The following TNFSF4 variants were observed in gnomAD, a reference collection of about 807,000 sequenced individuals.
TNFSF4 encodes the protein TNF superfamily member 4.
A neutral mutation model predicts 7.3 loss-of-function variants in TNFSF4; 4 were observed. That is an observed-to-expected ratio of 0.55 (90% CI 0.27 to 1.25). The LOEUF (loss-of-function observed/expected upper bound fraction) is 1.25, where lower values mean the gene tolerates loss of function less well. Ranked by LOEUF, TNFSF4 falls within the 50% of genes most tolerant of loss-of-function variation. The probability of loss-of-function intolerance (pLI) is 0.12; values close to 1 mark genes in which losing one functional copy is unlikely to be tolerated. For synonymous variants in TNFSF4, 76 were observed against 83.7 expected (o/e 0.91, Z 0.50); for missense variants, 181 against 208.8 (o/e 0.87, Z 0.82).
chr1:173,354,741 A>T, the TNFSF4 span, among the ~76,000 whole-genome samples: 1 of 152,316 alleles, frequency 6.6e-6, no homozygotes, highest in South Asian at 2.1e-4. Context: ...AAAATAAAAA[A>T]CTTTGGAAAA....
chr1:173,291,401 C>T, the TNFSF4 span, among the ~76,000 whole-genome samples: 1 of 151,976 alleles, frequency 6.6e-6, no homozygotes, highest in Non-Finnish European at 1.5e-5. Context: ...TGGGCAGGGC[C>T]ACATATCTAA....
the TNFSF4 span, among the ~76,000 whole-genome samples, chr1:173,419,832 T>G: frequency 1.3e-5 from 2 of 152,144 alleles, no homozygotes; most frequent in Non-Finnish European, 2.9e-5. Flanking sequence ...AGATTAACTA[T>G]AGCTCCTAGA....
At chr1:173,307,704 T>C in the TNFSF4 span, among the ~76,000 whole-genome samples, 2 of 151,844 alleles carry the variant, frequency 1.3e-5, no homozygotes, top group Non-Finnish European at 2.9e-5. Flanking sequence ...TATACTAATA[T>C]AAAACCCTCA....
At chr1:173,348,032 A>G in the TNFSF4 span, among the ~76,000 whole-genome samples, 373 of 152,336 alleles carry the variant, frequency 2.4e-3, no homozygotes, top group Middle Eastern at 6.8e-3. Context: ...TGATTTTCCA[A>G]TTCATGGAAT....
chr1:173,291,086 A>G, the TNFSF4 span, among the ~76,000 whole-genome samples: 7 of 152,194 alleles, frequency 4.6e-5, no homozygotes, highest in Non-Finnish European at 8.8e-5. Context: ...TATTTGTCTA[A>G]TGGTTCTGCA....
chr1:173,327,170 T>C, the TNFSF4 span, among the ~76,000 whole-genome samples: 2 of 152,170 alleles, frequency 1.3e-5, no homozygotes, highest in East Asian at 1.9e-4. Flanking sequence ...AAAACAGAGA[T>C]ATAGACCAAT....
chr1:173,403,905 A>C, the TNFSF4 span, among the ~76,000 whole-genome samples: 1 of 151,794 alleles, frequency 6.6e-6, no homozygotes, highest in African/African-American at 2.4e-5. Flanking sequence ...GTGTCTCAAA[A>C]AAAAAAAAAA....
chr1:173,229,683 G>C, the TNFSF4 span, among the ~76,000 whole-genome samples: 1 of 152,096 alleles, frequency 6.6e-6, no homozygotes, highest in Admixed American at 6.5e-5. Flanking sequence ...GTATTCAGGA[G>C]ACCCATCTCA....
At chr1:173,442,418 C>G in the TNFSF4 span, among the ~76,000 whole-genome samples, 2 of 152,118 alleles carry the variant, frequency 1.3e-5, no homozygotes, top group Non-Finnish European at 2.9e-5. Flanking sequence ...CTCCCACATA[C>G]CTAAGAATTT....
the TNFSF4 span, among the ~76,000 whole-genome samples, chr1:173,246,654 G>A: frequency 6.6e-6 from 1 of 152,124 alleles, no homozygotes; most frequent in Admixed American, 6.5e-5. Context: ...GCTGATGAGT[G>A]AAATATTTTT....
chr1:173,351,963 G>C, the TNFSF4 span: 1 of 521,390 alleles, frequency 1.9e-6, no homozygotes, highest in Non-Finnish European at 3.5e-6. Context: ...GGCAGGAAAG[G>C]AAAAGGGCAA....
the TNFSF4 span, among the ~76,000 whole-genome samples, chr1:173,356,063 C>T: frequency 3.9e-4 from 60 of 152,310 alleles, no homozygotes; most frequent in South Asian, 0.012. Flanking sequence ...TTGCCATTCC[C>T]AAGGTAAACA....
chr1:173,283,907 G>A, the TNFSF4 span, among the ~76,000 whole-genome samples: 5 of 149,472 alleles, frequency 3.3e-5, no homozygotes, highest in Non-Finnish European at 7.4e-5. Flanking sequence ...TGTGCCAAAC[G>A]GTTGGTCAAC....
At chr1:173,255,625 C>G in the TNFSF4 span, among the ~76,000 whole-genome samples, 3 of 152,022 alleles carry the variant, frequency 2.0e-5, no homozygotes, top group Non-Finnish European at 4.4e-5. Flanking sequence ...GTTTGTGAAA[C>G]AAAAATAGAC....
At chr1:173,176,770 T>C in the TNFSF4 span, among the ~76,000 whole-genome samples, 20 of 152,294 alleles carry the variant, frequency 1.3e-4, no homozygotes, top group Middle Eastern at 3.4e-3. Context: ...GATTCATATA[T>C]ACCATGGACT....
At chr1:173,211,950 T>C (rs1650387125), upstream of TNFSF4, among the ~76,000 whole-genome samples, 1 of 152,050 alleles carries the variant, frequency 6.6e-6, no homozygotes, top group Non-Finnish European at 1.5e-5. Flanking sequence ...GGGTAACTTG[T>C]AAGGAAAAAA....
downstream of TNFSF4, among the ~76,000 whole-genome samples, chr1:173,178,902 C>G (rs189752821): frequency 2.5e-3 from 376 of 152,150 alleles, 3 homozygotes; most frequent in Admixed American, 0.022. Flanking sequence ...GCAGACTTGA[C>G]TGTAGAAAGG....
the TNFSF4 span, among the ~76,000 whole-genome samples, chr1:173,227,741 T>C: frequency 6.6e-6 from 1 of 152,204 alleles, no homozygotes; most frequent in Non-Finnish European, 1.5e-5. Context: ...CCCACCCTAA[T>C]ACTGTGCTTT....
At chr1:173,426,723 G>A in the TNFSF4 span, among the ~76,000 whole-genome samples, 1 of 152,130 alleles carries the variant, frequency 6.6e-6, no homozygotes, top group Non-Finnish European at 1.5e-5. Context: ...GCCCCGAGTA[G>A]CTGGGACTAC....
Sources: allele counts gnomAD v4.1 joint callset (sites outside exome capture counted in the v4.1 genomes callset), GRCh38; gene constraint gnomAD v4.1.1; transcripts MANE v1.5; gene names NCBI Gene and HGNC (gene_info 2026-07-23, HGNC 2026-07-21).